The following SEPSECS variants were observed in gnomAD, a reference collection of about 807,000 sequenced individuals.
SEPSECS encodes the protein O-phosphoseryl-tRNA(Sec) selenium transferase.
SEPSECS carries 42 observed loss-of-function variants against 52.1 expected under a neutral mutation model. The observed-to-expected ratio is 0.81, with a 90% CI of 0.63 to 1.04. The LOEUF is 1.04. SEPSECS is among the 50% of genes least tolerant of loss of function. SEPSECS has a pLI of 0.00. For synonymous variants in SEPSECS, 216 were observed against 211.4 expected, an observed-to-expected ratio of 1.02 and a Z score of -0.19; for missense variants, 590 against 610.6, an observed-to-expected ratio of 0.97 and a Z score of 0.36.
intron 8 of SEPSECS, among the ~76,000 whole-genome samples, chr4:25,144,037 C>T (rs900796744): frequency 6.6e-6 from 1 of 151,956 alleles, no homozygotes; most frequent in Non-Finnish European, 1.5e-5. Flanking sequence ...ATGAGTTCAG[C>T]GTTCAATAAT....
At chr4:25,156,527 A>G (rs956267313) in intron 3 of SEPSECS, among the ~76,000 whole-genome samples, 5 of 150,724 alleles carry the variant, frequency 3.3e-5, no homozygotes, top group Non-Finnish European at 7.4e-5. Flanking sequence ...ACACGGTGAG[A>G]CCCCCGTCTC....
At chr4:25,140,421 T>C (rs1013760499) in intron 8 of SEPSECS, among the ~76,000 whole-genome samples, 13 of 152,206 alleles carry the variant, frequency 8.5e-5, no homozygotes, top group African/African-American at 3.1e-4. Context: ...CCAGGCTAGG[T>C]TATCTTCTAT....
At chr4:25,158,052 T>C (rs889101783) in intron 2 of SEPSECS, among the ~76,000 whole-genome samples, 2 of 152,200 alleles carry the variant, frequency 1.3e-5, no homozygotes, top group African/African-American at 4.8e-5. Context: ...ATTTGAGTAA[T>C]TTCTAATTGA....
At chr4:25,142,202 G>A (rs976877599) in intron 8 of SEPSECS, among the ~76,000 whole-genome samples, 3 of 152,110 alleles carry the variant, frequency 2.0e-5, no homozygotes, top group South Asian at 2.1e-4. Context: ...ACTTGAGCCC[G>A]GGAGGCAGAG....
chr4:25,152,340 A>G (rs1712354405), intron 5 of SEPSECS, among the ~76,000 whole-genome samples: 1 of 152,012 alleles, frequency 6.6e-6, no homozygotes, highest in Non-Finnish European at 1.5e-5. Flanking sequence ...ATCATTTTAA[A>G]ATTAAAAATT....
At chr4:25,148,843 A>G (rs1422113197) in intron 6 of SEPSECS, among the ~76,000 whole-genome samples, 1 of 152,218 alleles carries the variant, frequency 6.6e-6, no homozygotes. Flanking sequence ...ATATACCCAG[A>G]TATTAGGTAT....
chr4:25,127,827 C>T (rs570497528), intron 8 of SEPSECS, among the ~76,000 whole-genome samples: 26 of 152,334 alleles, frequency 1.7e-4, no homozygotes, highest in Non-Finnish European at 1.9e-4. Context: ...CCACACTCTT[C>T]ATCTCTAAGG....
intron 8 of SEPSECS, among the ~76,000 whole-genome samples, chr4:25,144,111 C>A (rs180709611): frequency 6.0e-4 from 91 of 152,040 alleles, no homozygotes; most frequent in Admixed American, 3.0e-3. Context: ...GAGGCTGAGG[C>A]GGGTGGATCA....
intron 8 of SEPSECS, among the ~76,000 whole-genome samples, chr4:25,141,567 C>T (rs934083437): frequency 9.9e-5 from 15 of 152,150 alleles, no homozygotes; most frequent in Non-Finnish European, 2.9e-5. Context: ...CCTCCACTGC[C>T]ACCATCTAGC....
intron 8 of SEPSECS, among the ~76,000 whole-genome samples, chr4:25,128,444 CA>C (rs1045635174): frequency 2.6e-5 from 4 of 151,372 alleles, no homozygotes; most frequent in African/African-American, 9.7e-5. Context: ...AAAACAAAAA[CA>C]AAAACAAAAA....
At chr4:25,143,362 T>C (rs1387700370) in intron 8 of SEPSECS, among the ~76,000 whole-genome samples, 1 of 152,214 alleles carries the variant, frequency 6.6e-6, no homozygotes. Context: ...CCCTACCCTT[T>C]AGCAACCATT....
chr4:25,144,639 A>G lies in SEPSECS; in HGVS notation c.1026+135T>C, dbSNP rs1711843340. 4 of 677,598 alleles carry G rather than the reference A, an allele frequency of 5.9e-6. No homozygotes were observed. The East Asian group carries it at 1.0e-4, about 18-fold the overall frequency. The allele number at this position is 677,598 out of a possible 1,614,324, so 42.0% of individuals were successfully genotyped here. A position where few individuals can be genotyped will look rare whatever the true frequency, so the allele number is the denominator to read the frequency against. On this transcript the variant is annotated intron_variant, in intron 8 of 10. Transcript: ENST00000382103. ...ATAGGAAACCACCTATGGTGGTTCC[A>G]GATCTGAATAAATACTATCGGACCA...
chr4:25,148,732 C>G (rs1712138776), intron 6 of SEPSECS, among the ~76,000 whole-genome samples: 2 of 152,110 alleles, frequency 1.3e-5, no homozygotes, highest in African/African-American at 4.8e-5. Flanking sequence ...GTTCCCAACA[C>G]AAAAAGATAT....
intron 10 of SEPSECS, 86 bp from the exon 11 acceptor site, chr4:25,124,311 C>A: frequency 7.9e-7 from 1 of 1,269,552 alleles, no homozygotes; most frequent in Non-Finnish European, 1.1e-6. Context: ...TGTTACAAAG[C>A]CTTACATCCA....
chr4:25,133,592 GAACATCAAGACAT>G (rs1728703311), intron 8 of SEPSECS, among the ~76,000 whole-genome samples: 1 of 152,142 alleles, frequency 6.6e-6, no homozygotes, highest in Non-Finnish European at 1.5e-5. Flanking sequence ...TCACAAGACA[GAACATCAAGACAT>G]AACAGAAATT....
At chr4:25,160,517 C>A (rs1713017849), upstream of SEPSECS, 1 of 656,100 alleles carries the variant, frequency 1.5e-6, no homozygotes, top group Non-Finnish European at 2.6e-6. Flanking sequence ...ACAAAAAAAA[C>A]ACTTCTCGTT....
chr4:25,157,781 G>T (rs1005487412), intron 2 of SEPSECS, among the ~76,000 whole-genome samples: 4 of 150,096 alleles, frequency 2.7e-5, no homozygotes, highest in Admixed American at 2.6e-4. Flanking sequence ...TCCTGACCTC[G>T]TGATCCGCCC....
At chr4:25,146,647 C>T (rs1046512132) in intron 6 of SEPSECS, among the ~76,000 whole-genome samples, 2 of 152,162 alleles carry the variant, frequency 1.3e-5, no homozygotes, top group Admixed American at 6.5e-5. Flanking sequence ...TAGAACCCTT[C>T]CATCACTAAA....
At chr4:25,133,372 A>G (rs960420315) in intron 8 of SEPSECS, among the ~76,000 whole-genome samples, 2 of 152,186 alleles carry the variant, frequency 1.3e-5, no homozygotes, top group Non-Finnish European at 2.9e-5. Context: ...TTTCTCCCAT[A>G]AAGTGTTTAC....
Sources: gnomAD v4.1 joint callset for allele counts (sites outside exome capture counted in the v4.1 genomes callset) on GRCh38, gnomAD v4.1.1 for gene constraint, MANE v1.5 for transcripts, NCBI Gene and HGNC (gene_info 2026-07-23, HGNC 2026-07-21) for gene names.